The following DNAH10 variants were observed in gnomAD, a reference collection of about 807,000 sequenced individuals.
DNAH10 encodes dynein axonemal heavy chain 10, also known as axonemal beta dynein heavy chain 10.
In DNAH10, 348 loss-of-function variants were observed where a neutral mutation model predicts 506.6. That is an observed-to-expected ratio of 0.69 (90% CI 0.63 to 0.75). DNAH10 has a LOEUF of 0.75. Ranked by LOEUF, DNAH10 falls within the 30% of genes least tolerant of loss-of-function variation. The pLI is 0.00. For missense variants in DNAH10, 5,179 were observed against 5,787.1 expected, an observed-to-expected ratio of 0.89 and a Z score of 3.41; for synonymous variants, 2,059 against 2,198.6, an observed-to-expected ratio of 0.94 and a Z score of 1.78.
chr12:123,934,890 GGA>G (rs1955416447), intron 78 of DNAH10, 124 bp downstream of exon 78: 1 of 1,271,810 alleles, frequency 7.9e-7, no homozygotes, highest in South Asian at 1.5e-5. Flanking sequence ...TATGGGCTGG[GGA>G]GAGTCTTGGA....
Position 123,896,111 on chromosome 12 carries a change from TCACACACACA to T in DNAH10, c.9280+1417_9280+1426del, listed in dbSNP as rs112187635. Among the ~76,000 whole-genome samples the T allele has an allele frequency of 4.1e-3, 202 of 48,916 alleles. 1 individual carries two copies. Among genetic ancestry groups the T allele is most frequent in the African/African-American group, 9.8e-3 (167 of 17,122 alleles). The allele number at this position is 48,916 out of a possible 152,430, so 32.1% of individuals were successfully genotyped here. On this transcript the variant is annotated intron_variant, in intron 54 of 78. Transcript: ENST00000673944. Reference sequence around the variant, plus strand: ...CTGGGAGGCACAGTGAGACTTTATCTCACACACACACACACACACACACACACACACACAC... The same window carrying T: ...CTGGGAGGCACAGTGAGACTTTATCTCACACACACACACACACACACACAC...
Position 123,846,973 on chromosome 12 carries a change from G to C in DNAH10, c.5814+819G>C, listed in dbSNP as rs1476381493. ...TGTGCTGTGAGTGATAAAGTCCTTT[G>C]TTTTTGAGAAAAAGAGTGTCATCTT... is the stretch of plus-strand genomic sequence containing the variant. On this transcript the variant is annotated intron_variant, in intron 32 of 78. Coordinates refer to ENST00000673944, the MANE Select transcript of DNAH10 (RefSeq NM_001372106.1). The surrounding 1 kb of genome is among the most constrained non-coding windows in gnomAD (Gnocchi z 4.5). 6.6e-6 allele frequency among the ~76,000 whole-genome samples: 1 copy of C among 152,120 alleles called. No individual in the cohort carries two copies. The highest frequency in any genetic ancestry group is 1.5e-5 in the Non-Finnish European group (1 of 68,028).
chr12:123,765,825 ATCTC>A (rs972261793), intron 1 of DNAH10, among the ~76,000 whole-genome samples: 1 of 150,446 alleles, frequency 6.6e-6, no homozygotes, highest in Non-Finnish European at 1.5e-5. Context: ...CTATACATCT[ATCTC>A]TATCTATATA....
chr12:123,914,810 A>G (rs1954392451), intron 61 of DNAH10, 42 bp from the exon 62 acceptor site: 1 of 1,603,538 alleles, frequency 6.2e-7, no homozygotes, highest in Non-Finnish European at 8.5e-7. Context: ...TGGCTCACAA[A>G]TTGGTGAGAA....
chr12:123,902,921 C>T lies in DNAH10; in HGVS notation c.9641-18C>T, dbSNP rs373112480. 5 of 1,567,824 alleles carry T rather than the reference C, an allele frequency of 3.2e-6. No homozygotes were observed. The highest frequency in any genetic ancestry group is 4.3e-6 in the Non-Finnish European group (5 of 1,156,942). Reference sequence around the variant, plus strand: ...CCTCTGAGCCCAAGCTTTACTCACCCCCTGTCCTACCCTGCAGCCGAGGAG... The same window carrying T: ...CCTCTGAGCCCAAGCTTTACTCACCTCCTGTCCTACCCTGCAGCCGAGGAG... On this transcript the variant is annotated intron_variant, in intron 56 of 78. Coordinates refer to ENST00000673944, the MANE Select transcript of DNAH10 (RefSeq NM_001372106.1). The surrounding 1 kb of genome is among the most constrained non-coding windows in gnomAD (Gnocchi z 4.5).
In DNAH10 at chr12:123,887,278, G is replaced by T. The variant is rs1357423989; in HGVS notation, c.8960G>T (p.Gly2987Val). 10 of 1,613,732 alleles carry T rather than the reference G, an allele frequency of 6.2e-6. No individual in the cohort carries two copies. The highest frequency in any genetic ancestry group is 6.8e-6 in the Non-Finnish European group (8 of 1,179,852). Residue 2987 changes from glycine to valine, a missense_variant, in exon 52 of 79, where the codon GGC becomes GTC. This residue lies in a region of DNAH10 where 4,844 missense variants were observed against 5,430.5 expected (regional missense o/e 0.89). Coordinates refer to ENST00000673944, the MANE Select transcript of DNAH10 (RefSeq NM_001372106.1). Reference sequence around the variant, plus strand: ...ACGGATGCCCATGTGGCTGAGGAGGGCTTCCTGGAGCTCATCAACAACATG... The same window carrying T: ...ACGGATGCCCATGTGGCTGAGGAGGTCTTCCTGGAGCTCATCAACAACATG... ...LFTDAHVAEE[G>V]FLELINNMLT... is the part of the protein sequence containing the mutation.
chr12:123,809,280 C>T (rs1167052902), intron 19 of DNAH10, among the ~76,000 whole-genome samples: 1 of 152,190 alleles, frequency 6.6e-6, no homozygotes, highest in East Asian at 1.9e-4. Context: ...GGCCATCACC[C>T]CTCTCCTGGA....
chr12:123,921,370 C>T (rs1465323205), intron 65 of DNAH10, among the ~76,000 whole-genome samples: 1 of 152,236 alleles, frequency 6.6e-6, no homozygotes, highest in Non-Finnish European at 1.5e-5. Context: ...ACGGTTTACC[C>T]TCAACTATGC....
At chr12:123,804,777 G>A in intron 17 of DNAH10, 56 bp from the exon 18 acceptor site, 1 of 1,544,186 alleles carries the variant, frequency 6.5e-7, no homozygotes, top group Non-Finnish European at 8.9e-7. Context: ...ATTGCCTTTT[G>A]AGTGCTGTCC....
chr12:123,837,757 A>AATT (rs1961326958), intron 28 of DNAH10, among the ~76,000 whole-genome samples: 3 of 135,232 alleles, frequency 2.2e-5, no homozygotes, highest in Non-Finnish European at 4.8e-5. Flanking sequence ...AAAAAAAAAA[A>AATT]TTTTTTTTTT....
intron 3 of DNAH10, 138 bp downstream of exon 3, chr12:123,771,836 C>G (rs1957264968): frequency 2.8e-6 from 2 of 714,936 alleles, no homozygotes; most frequent in East Asian, 5.5e-5. Flanking sequence ...AGGCCACCCT[C>G]AGATTCAGTG....
chr12:123,887,631 A>C (rs1952796681), intron 52 of DNAH10, among the ~76,000 whole-genome samples: 1 of 151,992 alleles, frequency 6.6e-6, no homozygotes, highest in Admixed American at 6.5e-5. Context: ...CTCCACAAAA[A>C]CTTGATGAGA....
intron 43 of DNAH10, among the ~76,000 whole-genome samples, 167 bp downstream of exon 43, chr12:123,868,286 G>A (rs1023380413): frequency 3.9e-5 from 6 of 152,180 alleles, no homozygotes; most frequent in Middle Eastern, 3.4e-3. Flanking sequence ...ACCCAGGAGC[G>A]GTTCACATGC....
At chr12:123,770,251 AAAAATTTTTTTTT>A (rs1957199701) in intron 2 of DNAH10, among the ~76,000 whole-genome samples, 1 of 151,850 alleles carries the variant, frequency 6.6e-6, no homozygotes, top group African/African-American at 2.4e-5. Context: ...TGTCTCAAAA[AAAAATTTTTTTTT>A]AAAATTTTTT....
chr12:123,794,181 C>A, intron 12 of DNAH10, 69 bp downstream of exon 12: 1 of 1,007,144 alleles, frequency 9.9e-7, no homozygotes, highest in Non-Finnish European at 1.2e-6. Context: ...AATTGAATCC[C>A]ACTATTGTCT....
chr12:123,919,734 A>G lies in DNAH10; in HGVS notation c.11506+785A>G, dbSNP rs79722467. ...TACGGTGTGTGACTTCATGACTGGT[A>G]TCTTTCACTCCACTCCGTGACCTCA... On this transcript the variant is annotated intron_variant, in intron 65 of 78. Transcript: ENST00000673944. This position sits in a 1 kb window ranked among gnomAD's most constrained non-coding sequence, Gnocchi z 4.9. Among the ~76,000 whole-genome samples the G allele has an allele frequency of 0.057, 8,631 of 152,254 alleles. 747 individuals carry two copies. Among genetic ancestry groups the G allele is most frequent in the African/African-American group, 0.18 (7,669 of 41,508 alleles).
intron 52 of DNAH10, among the ~76,000 whole-genome samples, chr12:123,891,411 A>G (rs536530529): frequency 3.9e-4 from 60 of 152,278 alleles, no homozygotes; most frequent in African/African-American, 1.4e-3. Flanking sequence ...ACCGTAATAC[A>G]TAGGCAGTGT....
At chr12:123,789,416 C>T (rs1271203224) in intron 10 of DNAH10, among the ~76,000 whole-genome samples, 1 of 151,806 alleles carries the variant, frequency 6.6e-6, no homozygotes. Flanking sequence ...CAGAGTCTCG[C>T]TCTGTCACCC....
intron 33 of DNAH10, 64 bp downstream of exon 33, chr12:123,848,159 C>A: frequency 6.4e-7 from 1 of 1,550,538 alleles, no homozygotes; most frequent in South Asian, 1.2e-5. Context: ...CAGGACATGG[C>A]ATTTCACCTC....
Sources: allele counts gnomAD v4.1 joint callset (sites outside exome capture counted in the v4.1 genomes callset), GRCh38; gene constraint gnomAD v4.1.1; regional missense constraint gnomAD v4.1.1; non-coding constraint Gnocchi (gnomAD v3.1); transcripts MANE v1.5; gene names NCBI Gene and HGNC (gene_info 2026-07-23, HGNC 2026-07-21).